ARHGAP15: variants seen among roughly 807,000 people sequenced by gnomAD.
ARHGAP15 encodes rho GTPase-activating protein 15.
Under a neutral mutation model 63.7 loss-of-function variants are expected in ARHGAP15, and 51 were observed. The observed-to-expected ratio is 0.80, with a 90% CI of 0.64 to 1.01. The LOEUF (loss-of-function observed/expected upper bound fraction) is 1.01, where lower values mean the gene tolerates loss of function less well. Ranked by LOEUF, ARHGAP15 falls within the 50% of genes least tolerant of loss-of-function variation. The pLI is 0.00. For synonymous variants in ARHGAP15, 191 were observed against 193.8 expected, an observed-to-expected ratio of 0.99 and a Z score of 0.12; for missense variants, 560 against 564.6, an observed-to-expected ratio of 0.99 and a Z score of 0.08.
intron 7 of ARHGAP15, 147 bp from the exon 8 acceptor site, chr2:143,436,765 AG>A (rs1321043649): frequency 3.0e-6 from 2 of 674,756 alleles, no homozygotes; most frequent in African/African-American, 3.7e-5. Flanking sequence ...AACTATTATT[AG>A]AGTATTGAGC....
At chr2:143,408,724 A>G (rs1382584904) in intron 6 of ARHGAP15, among the ~76,000 whole-genome samples, 2 of 151,958 alleles carry the variant, frequency 1.3e-5, no homozygotes, top group Non-Finnish European at 2.9e-5. Context: ...TTAAATATAG[A>G]TGATATTTGA....
rs1036942897 is a variant in ARHGAP15, at chr2:143,158,445, AT to A, written c.165+2791del. ...GATAACCTAAATGTTGCAGGAAAGCATCTCAGTAAAACAGATATGAATCCTC... is the reference window on the plus strand; with the variant it reads ...GATAACCTAAATGTTGCAGGAAAGCACTCAGTAAAACAGATATGAATCCTC... On this transcript the variant is annotated intron_variant, in intron 2 of 13. Transcript: ENST00000295095. Among the ~76,000 whole-genome samples, 95 of 152,110 alleles carry A rather than the reference AT, an allele frequency of 6.2e-4. 2 individuals are homozygous for A. Among genetic ancestry groups the A allele is most frequent in the African/African-American group, 2.1e-3 (88 of 41,544 alleles).
At chr2:143,588,755 C>T (rs1000336804) in intron 11 of ARHGAP15, among the ~76,000 whole-genome samples, 3 of 152,156 alleles carry the variant, frequency 2.0e-5, no homozygotes, top group Non-Finnish European at 1.5e-5. Context: ...CAGGAATTCT[C>T]CCACAAATAA....
chr2:143,380,316 T>C (rs1687008250), intron 6 of ARHGAP15, among the ~76,000 whole-genome samples: 1 of 152,144 alleles, frequency 6.6e-6, no homozygotes, highest in South Asian at 2.1e-4. Context: ...ATAACAGGAA[T>C]AGCTACCATT....
At chr2:143,439,623 C>T (rs973466690) in intron 8 of ARHGAP15, among the ~76,000 whole-genome samples, 3 of 151,422 alleles carry the variant, frequency 2.0e-5, no homozygotes, top group Admixed American at 1.3e-4. Flanking sequence ...ATCCTCTCAC[C>T]AATCCTATGA....
At chr2:143,705,989 A>G (rs935419576) in intron 13 of ARHGAP15, among the ~76,000 whole-genome samples, 1 of 152,184 alleles carries the variant, frequency 6.6e-6, no homozygotes, top group Non-Finnish European at 1.5e-5. Flanking sequence ...GATGTTTTAA[A>G]TTAAGATTTA....
chr2:143,391,469 G>T (rs1033292010), intron 6 of ARHGAP15, among the ~76,000 whole-genome samples: 1 of 152,068 alleles, frequency 6.6e-6, no homozygotes, highest in African/African-American at 2.4e-5. Flanking sequence ...AGCATGCTAT[G>T]CAGCACAATA....
At chr2:143,181,956 T>TC (rs1369192038) in intron 2 of ARHGAP15, among the ~76,000 whole-genome samples, 1 of 151,612 alleles carries the variant, frequency 6.6e-6, no homozygotes. Flanking sequence ...ATTTTTTTTT[T>TC]TTTTGAGACA....
intron 6 of ARHGAP15, among the ~76,000 whole-genome samples, chr2:143,336,703 C>A (rs929391554): frequency 6.6e-6 from 1 of 152,028 alleles, no homozygotes; most frequent in Non-Finnish European, 1.5e-5. Context: ...CCCAGGTATG[C>A]CCTAGGAGAG....
At chr2:143,724,387 A>G (rs1348788661) in intron 13 of ARHGAP15, among the ~76,000 whole-genome samples, 2 of 152,218 alleles carry the variant, frequency 1.3e-5, no homozygotes, top group Non-Finnish European at 2.9e-5. Flanking sequence ...TAAACTCTAA[A>G]TCATCGAAGA....
chr2:143,678,693 T>C (rs1021694972), intron 12 of ARHGAP15, among the ~76,000 whole-genome samples: 7 of 152,236 alleles, frequency 4.6e-5, no homozygotes, highest in Non-Finnish European at 1.0e-4. Context: ...GATTCTATAT[T>C]CTGTGGCTCT....
intron 3 of ARHGAP15, among the ~76,000 whole-genome samples, chr2:143,210,838 A>G (rs1473252368): frequency 6.6e-6 from 1 of 151,934 alleles, no homozygotes; most frequent in African/African-American, 2.4e-5. Flanking sequence ...CTTTTCTTCT[A>G]CTCTTCTTCA....
chr2:143,371,724 C>A (rs1686566326), intron 6 of ARHGAP15, among the ~76,000 whole-genome samples: 1 of 152,128 alleles, frequency 6.6e-6, no homozygotes, highest in Non-Finnish European at 1.5e-5. Flanking sequence ...CAATATTATA[C>A]TTTGCCAAAT....
At chr2:143,344,647 C>T (rs74497615) in intron 6 of ARHGAP15, among the ~76,000 whole-genome samples, 3,732 of 152,104 alleles carry the variant, frequency 0.025, 147 homozygotes, top group African/African-American at 0.086. Context: ...CTGACCATTC[C>T]GTGGAAAAGT....
intron 3 of ARHGAP15, among the ~76,000 whole-genome samples, chr2:143,209,279 T>A (rs937152378): frequency 3.9e-5 from 6 of 152,242 alleles, no homozygotes; most frequent in Admixed American, 3.9e-4. Context: ...CTGTTAATAA[T>A]AAGTTATGTA....
intron 4 of ARHGAP15, 26 bp downstream of exon 4, chr2:143,216,471 T>C: frequency 6.6e-7 from 1 of 1,506,112 alleles, no homozygotes; most frequent in Non-Finnish European, 9.2e-7. Context: ...AATTCACTTT[T>C]ATATAACTAT....
chr2:143,157,533 A>G lies in ARHGAP15; in HGVS notation c.165+1878A>G, dbSNP rs557079964. Among the ~76,000 whole-genome samples the G allele has an allele frequency of 5.9e-5, 9 of 151,854 alleles. No individual in the cohort carries two copies. The South Asian group carries it at 1.9e-3, about 32-fold the overall frequency. ...TTGTTTCCGCATTCTTAGCCTGGGC[A>G]ATATGTATTCCTCGATAAGGAACAA... On this transcript the variant is annotated intron_variant, in intron 2 of 13. Transcript: ENST00000295095.
rs896028601 is a variant in ARHGAP15, at chr2:143,564,628, T to C, written c.1003+8143T>C. Among the ~76,000 whole-genome samples, 4 of 152,104 alleles carry C rather than the reference T, an allele frequency of 2.6e-5. 1 individual carries two copies. Among genetic ancestry groups the C allele is most frequent in the Non-Finnish European group, 5.9e-5 (4 of 68,024 alleles). On this transcript the variant is annotated intron_variant, in intron 11 of 13. Transcript: ENST00000295095. Reference sequence around the variant, plus strand: ...AGACATAACATATACAAGATTTGCATTTGAAAAAAGGGGAAATAGACCATG... The same window carrying C: ...AGACATAACATATACAAGATTTGCACTTGAAAAAAGGGGAAATAGACCATG...
chr2:143,513,356 G>A (rs948078784), intron 9 of ARHGAP15, among the ~76,000 whole-genome samples: 2 of 152,106 alleles, frequency 1.3e-5, no homozygotes, highest in African/African-American at 4.8e-5. Context: ...CAGCTCCGTG[G>A]CAATAAAAAA....
Sources: gnomAD v4.1 joint callset for allele counts (sites outside exome capture counted in the v4.1 genomes callset) on GRCh38, gnomAD v4.1.1 for gene constraint, MANE v1.5 for transcripts, NCBI Gene and HGNC (gene_info 2026-07-23, HGNC 2026-07-21) for gene names.